Variants in ATG7 observed in about 807,000 individuals in gnomAD.
ATG7 encodes autophagy related 7.
Under a neutral mutation model 82.4 loss-of-function variants are expected in ATG7, and 70 were observed. That is an observed-to-expected ratio of 0.85 (90% CI 0.70 to 1.04). ATG7 has a LOEUF of 1.04. Among genes scored for constraint, ATG7 ranks in the 50% least tolerant of loss-of-function variants. The pLI is 0.00. For missense variants in ATG7, 792 were observed against 864.3 expected (o/e 0.92, Z 1.05); for synonymous variants, 287 against 313.0 (o/e 0.92, Z 0.88).
chr3:11,342,062 G>A lies in ATG7; in HGVS notation c.981-73G>A, dbSNP rs552395637. ...TTATTATTTCTTATTTTCTTGCATA[G>A]CCACTTGAAATCTTTCAGAACAAGA... is the stretch of plus-strand genomic sequence containing the variant. On this transcript the variant is annotated intron_variant, in intron 12 of 20. Coordinates refer to ENST00000693202, the MANE Select transcript of ATG7 (RefSeq NM_001349232.2). 213 of 1,441,618 alleles carry A rather than the reference G, an allele frequency of 1.5e-4. 2 individuals are homozygous for A. In the South Asian group the frequency reaches 2.6e-3, roughly 17 times the overall value. 89.3% of individuals were successfully genotyped at this position (1,441,618 alleles called of 1,614,324 possible). A position where few individuals can be genotyped will look rare whatever the true frequency, so the allele number is the denominator to read the frequency against.
At chr3:11,314,030 G>A (rs1354947823) in intron 8 of ATG7, among the ~76,000 whole-genome samples, 2 of 152,198 alleles carry the variant, frequency 1.3e-5, no homozygotes, top group Non-Finnish European at 2.9e-5. Flanking sequence ...CCAAAATGTG[G>A]TCTTCATTTT....
At chr3:11,344,804 G>A (rs1042171202) in intron 13 of ATG7, among the ~76,000 whole-genome samples, 3 of 152,160 alleles carry the variant, frequency 2.0e-5, no homozygotes, top group Non-Finnish European at 4.4e-5. Context: ...AGGAGGTTGA[G>A]GCTGTAGTGA....
intron 20 of ATG7, among the ~76,000 whole-genome samples, chr3:11,543,627 C>A (rs760361143): frequency 8.5e-5 from 13 of 152,162 alleles, no homozygotes; most frequent in African/African-American, 2.4e-4. Context: ...AGGCTGGCCG[C>A]GGTGGCTCAT....
At chr3:11,468,967 G>C (rs776133420) in intron 20 of ATG7, among the ~76,000 whole-genome samples, 2 of 152,296 alleles carry the variant, frequency 1.3e-5, no homozygotes, top group Non-Finnish European at 2.9e-5. Flanking sequence ...AAGCTGAAGC[G>C]GTGCACAGCT....
intron 20 of ATG7, among the ~76,000 whole-genome samples, chr3:11,486,901 A>C (rs2089741391): frequency 6.8e-6 from 1 of 147,538 alleles, no homozygotes; most frequent in African/African-American, 2.5e-5. Flanking sequence ...TGGCAGGGTC[A>C]TGGGACAATA....
intron 20 of ATG7, among the ~76,000 whole-genome samples, chr3:11,478,735 G>A (rs1279612779): frequency 6.6e-6 from 1 of 151,976 alleles, no homozygotes; most frequent in African/African-American, 2.4e-5. Context: ...CCCCAAACAT[G>A]ATCTAATCAG....
At chr3:11,559,393 G>A, downstream of ATG7, 3 of 1,560,272 alleles carry the variant, frequency 1.9e-6, no homozygotes, top group Non-Finnish European at 2.6e-6. Flanking sequence ...GCGCGATGGG[G>A]CAGTGCGAGA....
intron 20 of ATG7, among the ~76,000 whole-genome samples, chr3:11,498,376 A>G (rs1392474163): frequency 6.6e-6 from 1 of 152,192 alleles, no homozygotes; most frequent in East Asian, 1.9e-4. Flanking sequence ...CTGCTGAAGA[A>G]GCGGGCAGGC....
At chr3:11,276,787 G>A (rs1462043271) in intron 1 of ATG7, among the ~76,000 whole-genome samples, 2 of 152,012 alleles carry the variant, frequency 1.3e-5, no homozygotes, top group African/African-American at 4.8e-5. Flanking sequence ...TTTTTGCCAA[G>A]ACTCTGCCCT....
chr3:11,466,536 G>A (rs886740305), intron 20 of ATG7, among the ~76,000 whole-genome samples: 1 of 152,194 alleles, frequency 6.6e-6, no homozygotes, highest in East Asian at 1.9e-4. Flanking sequence ...AGGCAGCATG[G>A]TGTAATGGAA....
chr3:11,523,817 A>C (rs1025236088), intron 20 of ATG7, among the ~76,000 whole-genome samples: 1 of 152,210 alleles, frequency 6.6e-6, no homozygotes, highest in Admixed American at 6.6e-5. Flanking sequence ...AAAACTAGAA[A>C]AAGTGAGGGG....
intron 20 of ATG7, among the ~76,000 whole-genome samples, chr3:11,535,766 A>G (rs1264158038): frequency 6.6e-6 from 1 of 152,114 alleles, no homozygotes; most frequent in Non-Finnish European, 1.5e-5. Flanking sequence ...GCTGTTCTCA[A>G]TTCCCGCCTT....
rs1182440004 is a variant in ATG7, at chr3:11,555,688, G to A, written c.*845G>A. 2.6e-5 allele frequency: 4 copies of A among 152,270 alleles called. No individual in the cohort carries two copies. The highest frequency in any genetic ancestry group is 9.7e-5 in the African/African-American group (4 of 41,378). 9.4% of individuals were successfully genotyped at this position (152,270 alleles called of 1,614,324 possible). ...GGAGGGGTCAGACGGCTCTACCATGGGTAACTCAGGCAAGAGCTGGTTTTC... is the reference window on the plus strand; with the variant it reads ...GGAGGGGTCAGACGGCTCTACCATGAGTAACTCAGGCAAGAGCTGGTTTTC... On this transcript the variant is annotated 3_prime_UTR_variant, in exon 21 of 21. Transcript: ENST00000693202.
intron 20 of ATG7, among the ~76,000 whole-genome samples, chr3:11,511,690 C>T (rs112119821): frequency 8.5e-5 from 13 of 152,200 alleles, no homozygotes; most frequent in East Asian, 1.9e-4. Context: ...GAGCCCATGG[C>T]GGGGGTGGGA....
At chr3:11,295,780 CTTTCTTTCTTTT>C (rs1559342682) in intron 3 of ATG7, among the ~76,000 whole-genome samples, 11 of 86,002 alleles carry the variant, frequency 1.3e-4, no homozygotes, top group South Asian at 6.3e-4. Flanking sequence ...TCTTTTCTTT[CTTTCTTTCTTTT>C]TTTTTTTTTT....
At chr3:11,301,661 CT>C (rs1946811420) in intron 5 of ATG7, among the ~76,000 whole-genome samples, 1 of 152,164 alleles carries the variant, frequency 6.6e-6, no homozygotes, top group East Asian at 1.9e-4. Context: ...AATAATCTCT[CT>C]CTTGTTTTGG....
At chr3:11,362,234 C>G (rs536234770) in intron 16 of ATG7, among the ~76,000 whole-genome samples, 1 of 152,178 alleles carries the variant, frequency 6.6e-6, no homozygotes, top group Non-Finnish European at 1.5e-5. Flanking sequence ...TTGGTTGAAC[C>G]AGCAAAGGCT....
At position 11,477,877 on chromosome 3, in the gene ATG7, G is replaced by A. The variant is rs186318833; in HGVS notation, c.2079+50951G>A. 1.7e-3 allele frequency among the ~76,000 whole-genome samples: 257 copies of A among 152,248 alleles called. 1 individual carries two copies. Among genetic ancestry groups the A allele is most frequent in the African/African-American group, 5.3e-3 (220 of 41,540 alleles). On this transcript the variant is annotated intron_variant, in intron 20 of 20. Transcript: ENST00000693202. ...AGTCTTACAGCTTATTTCTCCCTGT[G>A]GCAGGAAACAGGCCTGATATCAGTA...
chr3:11,421,861 A>G (rs189172951), intron 19 of ATG7, among the ~76,000 whole-genome samples: 248 of 152,304 alleles, frequency 1.6e-3, no homozygotes, highest in South Asian at 4.4e-3. Flanking sequence ...CATGCATGAA[A>G]ACAACATTTA....
Sources: allele counts gnomAD v4.1 joint callset (sites outside exome capture counted in the v4.1 genomes callset), GRCh38; gene constraint gnomAD v4.1.1; transcripts MANE v1.5; gene names NCBI Gene and HGNC (gene_info 2026-07-23, HGNC 2026-07-21).